Variants in APIP observed in about 807,000 individuals in gnomAD.
The protein encoded by APIP is methylthioribulose-1-phosphate dehydratase.
A neutral mutation model predicts 32.0 loss-of-function variants in APIP; 32 were observed. That is an observed-to-expected ratio of 1.00 (90% CI 0.76 to 1.34). The LOEUF is 1.34. APIP is among the 40% of genes most tolerant of loss of function. The pLI is 0.00. For missense variants in APIP, 247 were observed against 298.6 expected (o/e 0.83, Z 1.27); for synonymous variants, 92 against 94.8 (o/e 0.97, Z 0.17).
Position 34,895,009 on chromosome 11 carries a change from C to A in APIP, c.158+1G>T, listed in dbSNP as rs750689149. The A allele has an allele frequency of 1.9e-6, 3 of 1,613,136 alleles. No individual in the cohort carries two copies. The highest frequency in any genetic ancestry group is 2.7e-5 in the African/African-American group (2 of 74,878). Reference sequence around the variant, plus strand: ...AGTAATAAAGGCTGCCAGAAACTTACCCATGCTTCAAGCTAATTCCTCCTC... The same window carrying A: ...AGTAATAAAGGCTGCCAGAAACTTAACCATGCTTCAAGCTAATTCCTCCTC... On this transcript the variant is annotated splice_donor_variant, in intron 2 of 6. Coordinates refer to ENST00000395787, the MANE Select transcript of APIP (RefSeq NM_015957.4). LOFTEE classifies it high-confidence loss of function.
chr11:34,888,785 T>A lies in APIP; in HGVS notation c.292A>T (p.Thr98Ser). 1 of 1,521,088 alleles carries A rather than the reference T, an allele frequency of 6.6e-7. No homozygotes were observed. The highest frequency in any genetic ancestry group is 8.7e-7 in the Non-Finnish European group (1 of 1,148,714). 94.2% of individuals were successfully genotyped at this position (1,521,088 alleles called of 1,614,324 possible). A position where few individuals can be genotyped will look rare whatever the true frequency, so the allele number is the denominator to read the frequency against. ...PSKKLKKSQCTPLFMNAYTMR... is the reference protein window; with the variant it reads ...PSKKLKKSQCSPLFMNAYTMR... ...GTGTAAGCATTCATGAAAAGAGGAG[T>A]ACACTGGCTTTTTTTTAGCTTCTTC... The change falls in exon 4 of 7, where the codon ACT becomes TCT. Residue 98 changes from threonine (T) to serine (S), a missense_variant. Thr to Ser is a moderately conservative substitution (Grantham distance 58). Coordinates refer to ENST00000395787, the MANE Select transcript of APIP (RefSeq NM_015957.4).
intron 3 of APIP, 112 bp downstream of exon 3, chr11:34,890,392 G>C: frequency 1.0e-6 from 1 of 976,402 alleles, no homozygotes; most frequent in African/African-American, 1.7e-5. Context: ...TTGCTGATTA[G>C]TTATTCAAAT....
intron 5 of APIP, among the ~76,000 whole-genome samples, chr11:34,888,079 A>G (rs1303988698): frequency 2.6e-5 from 4 of 152,074 alleles, no homozygotes; most frequent in African/African-American, 9.7e-5. Flanking sequence ...TCATATTACT[A>G]ATAATTTACC....
Position 34,890,534 on chromosome 11 carries a change from A to G in APIP, c.177T>C (p.Ala59=), listed in dbSNP as rs1050715783. Residue 59 remains alanine (A), a synonymous_variant, in exon 3 of 7, where the codon GCT becomes GCC. Transcript: ENST00000395787. ...TTCGTTCCTTTTGCACTCCTGAAGG[A>G]GCAATGTAGATTTCATCGCTGGCAA... ...SLKHGDEIYI[A]PSGVQKERIQ... 2 of 1,610,346 alleles carry G rather than the reference A, an allele frequency of 1.2e-6. No homozygotes were observed. The highest frequency in any genetic ancestry group is 1.3e-5 in the African/African-American group (1 of 74,898).
chr11:34,890,500 A>G lies in APIP; in HGVS notation c.207+4T>C. The G allele has an allele frequency of 1.9e-6, 3 of 1,608,444 alleles. No individual in the cohort carries two copies. Among genetic ancestry groups the G allele is most frequent in the East Asian group, 2.2e-5 (1 of 44,654 alleles). On this transcript the variant is annotated splice_donor_region_variant and intron_variant, in intron 3 of 6. Coordinates refer to ENST00000395787, the MANE Select transcript of APIP (RefSeq NM_015957.4). ...ACTGAGGTTAAAGAATCCCATTACC[A>G]TACCTGAATTCGTTCCTTTTGCACT...
In APIP at chr11:34,895,093, T is replaced by C. The variant is rs533209732; in HGVS notation, c.75A>G (p.Arg25=). The change falls in exon 2 of 7, where the codon AGA becomes AGG. Residue 25 remains arginine, a synonymous_variant. Coordinates refer to ENST00000395787, the MANE Select transcript of APIP (RefSeq NM_015957.4). ...RCGAQDKEHP[R]YLIPELCKQF... The stretch of plus-strand genomic sequence containing the variant: ...GTTTGCAAAGTTCTGGGATCAGGTA[T>C]CTTGGATGCTCCTTGTCCTTAAAAA... The C allele has an allele frequency of 2.5e-6, 4 of 1,613,914 alleles. No homozygotes were observed. Among genetic ancestry groups the C allele is most frequent in the East Asian group, 4.5e-5 (2 of 44,872 alleles).
rs1266077941 is a variant in APIP at position 34,900,584 on chromosome 11, G to A, written c.58-5474C>T. ...TAGAGGGATGTTACGTTGCTGCTACGTCAGACCCTCACTGAAGCTGAAAAG... is the reference window on the plus strand; with the variant it reads ...TAGAGGGATGTTACGTTGCTGCTACATCAGACCCTCACTGAAGCTGAAAAG... On this transcript the variant is annotated intron_variant, in intron 1 of 6. Coordinates refer to ENST00000395787, the MANE Select transcript of APIP (RefSeq NM_015957.4). Among the ~76,000 whole-genome samples the A allele has an allele frequency of 3.3e-5, 5 of 152,216 alleles. No individual in the cohort carries two copies. The East Asian group carries it at 7.7e-4, about 24-fold the overall frequency.
In APIP at chr11:34,895,021, G is replaced by A. The variant is rs1853243931; in HGVS notation, c.147C>T (p.Ser49=). 9 of 1,613,814 alleles carry A rather than the reference G, an allele frequency of 5.6e-6. No individual in the cohort carries two copies. The highest frequency in any genetic ancestry group is 7.6e-6 in the Non-Finnish European group (9 of 1,179,868). ...TGCCAGAAACTTACCCATGCTTCAA[G>A]CTAATTCCTCCTCCAGTCCCAGTGA... ...GWVTGTGGGI[S]LKHGDEIYIA... Residue 49 remains serine (S), a synonymous_variant, in exon 2 of 7, where the codon AGC becomes AGT. Coordinates refer to ENST00000395787, the MANE Select transcript of APIP (RefSeq NM_015957.4).
chr11:34,886,482 A>G (rs2133903766), intron 5 of APIP, among the ~76,000 whole-genome samples: 1 of 152,278 alleles, frequency 6.6e-6, no homozygotes, highest in South Asian at 2.1e-4. Flanking sequence ...AGTTACAGTA[A>G]GCTGAGGTTA....
chr11:34,882,750 T>C lies in APIP; in HGVS notation c.696A>G (p.Ser232=), dbSNP rs1852987110. 1 of 1,607,216 alleles carries C rather than the reference T, an allele frequency of 6.2e-7. No individual in the cohort carries two copies. Among genetic ancestry groups the C allele is most frequent in the South Asian group, 1.1e-5 (1 of 90,576 alleles). ...TTCCATTTTCTCCAACTGGGAGCTG[T>C]GAAGGATCAAGTCCTACTTTCTTCA... ...VSMKKVGLDP[S]QLPVGENGIV is the part of the protein sequence containing the mutation. Residue 232 remains serine (S), a synonymous_variant, in exon 7 of 7, where the codon TCA becomes TCG. Transcript: ENST00000395787.
At chr11:34,912,331 G>A (rs1393882657) in intron 1 of APIP, among the ~76,000 whole-genome samples, 1 of 152,182 alleles carries the variant, frequency 6.6e-6, no homozygotes, top group Non-Finnish European at 1.5e-5. Flanking sequence ...AGAAAAGAGT[G>A]TCTATCAAAG....
chr11:34,916,194 T>G, intron 1 of APIP, 34 bp downstream of exon 1: 1 of 1,600,694 alleles, frequency 6.2e-7, no homozygotes, highest in Non-Finnish European at 8.5e-7. Flanking sequence ...CCTCTCCTCC[T>G]GGGAATACCG....
rs146230385 is a variant in APIP at position 34,912,750 on chromosome 11, C to A, written c.57+3478G>T. Among the ~76,000 whole-genome samples, 35 of 152,342 alleles carry A rather than the reference C, an allele frequency of 2.3e-4. 2 individuals carry two copies. In the East Asian group the frequency reaches 6.7e-3, roughly 29 times the overall value. ...AAGTTCTTCAGTTTTGGAACTCAGA[C>A]TGGCTCTCCTCGCTCCTCAGCCTGC... On this transcript the variant is annotated intron_variant, in intron 1 of 6. Transcript: ENST00000395787.
At chr11:34,908,607 T>C (rs964842159) in intron 1 of APIP, among the ~76,000 whole-genome samples, 2 of 152,234 alleles carry the variant, frequency 1.3e-5, no homozygotes, top group African/African-American at 4.8e-5. Flanking sequence ...TGGACCCCAC[T>C]AGCTGTGTGC....
intron 4 of APIP, 110 bp downstream of exon 4, chr11:34,888,642 T>C: frequency 8.8e-7 from 1 of 1,138,494 alleles, no homozygotes; most frequent in Non-Finnish European, 1.2e-6. Context: ...GCACTTCAAG[T>C]TCTTGCACAT....
intron 5 of APIP, among the ~76,000 whole-genome samples, chr11:34,888,044 T>C (rs919438957): frequency 3.3e-5 from 5 of 152,164 alleles, no homozygotes; most frequent in Admixed American, 6.6e-5. Context: ...AAGATTTTTT[T>C]CAGTTTAAAC....
chr11:34,888,641 G>A, intron 4 of APIP, 111 bp downstream of exon 4: 1 of 1,132,872 alleles, frequency 8.8e-7, no homozygotes, highest in Non-Finnish European at 1.2e-6. Context: ...TGCACTTCAA[G>A]TTCTTGCACA....
chr11:34,896,728 A>G, intron 1 of APIP: 1 of 1,204,488 alleles, frequency 8.3e-7, no homozygotes, highest in South Asian at 1.3e-5. Context: ...ATAATAAAGC[A>G]ACAACAACAA....
intron 3 of APIP, among the ~76,000 whole-genome samples, chr11:34,889,553 A>G (rs1472698387): frequency 6.6e-6 from 1 of 152,130 alleles, no homozygotes; most frequent in East Asian, 1.9e-4. Flanking sequence ...GCATGTTACA[A>G]GAGTCTGGTG....
Sources: gnomAD v4.1 joint callset for allele counts (sites outside exome capture counted in the v4.1 genomes callset) on GRCh38, gnomAD v4.1.1 for gene constraint, MANE v1.5 for transcripts, NCBI Gene and HGNC (gene_info 2026-07-23, HGNC 2026-07-21) for gene names.